GXYLT2: variants seen among roughly 807,000 people sequenced by gnomAD.
GXYLT2 encodes the protein glucoside xylosyltransferase 2.
A neutral mutation model predicts 45.8 loss-of-function variants in GXYLT2; 53 were observed. The ratio of observed to expected loss-of-function variants is 1.16; its 90% CI spans 0.93 to 1.46. GXYLT2 has a LOEUF of 1.46. GXYLT2 is among the 40% of genes most tolerant of loss of function. GXYLT2 has a pLI of 0.00. For synonymous variants in GXYLT2, 219 were observed against 214.2 expected (o/e 1.02, Z -0.19); for missense variants, 551 against 544.4 (o/e 1.01, Z -0.12).
intron 3 of GXYLT2, among the ~76,000 whole-genome samples, chr3:72,934,854 G>A (rs901547980): frequency 6.6e-6 from 1 of 152,198 alleles, no homozygotes; most frequent in African/African-American, 2.4e-5. Context: ...CCAGAACCTT[G>A]CAAAGAAAAT....
intron 2 of GXYLT2, among the ~76,000 whole-genome samples, chr3:72,910,352 C>T (rs904242295): frequency 2.0e-5 from 3 of 152,150 alleles, no homozygotes; most frequent in African/African-American, 7.2e-5. Context: ...TGCCATACCA[C>T]CTCCTCAACT....
At chr3:72,914,818 G>A (rs1709704945) in intron 2 of GXYLT2, among the ~76,000 whole-genome samples, 1 of 152,146 alleles carries the variant, frequency 6.6e-6, no homozygotes, top group Non-Finnish European at 1.5e-5. Context: ...TGACCCCTGA[G>A]TCTGGTTCTC....
At chr3:72,955,055 T>C in intron 3 of GXYLT2, 43 bp from the exon 4 acceptor site, 1 of 1,593,864 alleles carries the variant, frequency 6.3e-7, no homozygotes, top group Non-Finnish European at 8.6e-7. Flanking sequence ...TGTTTTGTTT[T>C]CTTCCCTCCT....
At chr3:72,895,088 G>C (rs1709262840) in intron 1 of GXYLT2, among the ~76,000 whole-genome samples, 1 of 152,184 alleles carries the variant, frequency 6.6e-6, no homozygotes, top group Non-Finnish European at 1.5e-5. Flanking sequence ...AGGGCAAACT[G>C]TTTCTAGTGG....
chr3:72,957,424 C>T (rs1710669776), intron 5 of GXYLT2, 72 bp downstream of exon 5: 1 of 1,456,310 alleles, frequency 6.9e-7, no homozygotes, highest in Admixed American at 2.1e-5. Flanking sequence ...CATTCCATGC[C>T]CGGGTTGCTA....
intron 2 of GXYLT2, among the ~76,000 whole-genome samples, chr3:72,910,611 G>A (rs1709597453): frequency 6.6e-6 from 1 of 152,188 alleles, no homozygotes; most frequent in Admixed American, 6.5e-5. Flanking sequence ...CCTCCATTCT[G>A]TACAGCCTCT....
intron 2 of GXYLT2, among the ~76,000 whole-genome samples, chr3:72,911,823 A>G (rs1203391142): frequency 6.6e-6 from 1 of 151,506 alleles, no homozygotes; most frequent in African/African-American, 2.4e-5. Flanking sequence ...TGCCCATTGC[A>G]GTGACACAAT....
At chr3:72,923,439 T>C (rs192124945) in intron 3 of GXYLT2, among the ~76,000 whole-genome samples, 1 of 151,736 alleles carries the variant, frequency 6.6e-6, no homozygotes, top group East Asian at 1.9e-4. Flanking sequence ...AGAAATAAAA[T>C]TTTAAAAATC....
intron 5 of GXYLT2, among the ~76,000 whole-genome samples, chr3:72,958,462 CT>C (rs1710692704): frequency 1.3e-5 from 2 of 151,528 alleles, no homozygotes; most frequent in Non-Finnish European, 3.0e-5. Context: ...TATTGTGTAC[CT>C]TTTTAAAAAA....
Position 72,976,574 on chromosome 3 carries a change from G to T in GXYLT2, c.*1415G>T, listed in dbSNP as rs1480633064. ...AGGGTTACCTAGCTGGTCCATACAG[G>T]TTTTATCACCTCACTGCAAGGAGGA... On this transcript the variant is annotated 3_prime_UTR_variant, in exon 7 of 7. Transcript: ENST00000389617. The T allele has an allele frequency of 6.6e-6, 1 of 152,172 alleles. No individual in the cohort carries two copies. Among genetic ancestry groups the T allele is most frequent in the East Asian group, 1.9e-4 (1 of 5,192 alleles). The allele number at this position is 152,172 out of a possible 1,614,324, so 9.4% of individuals were successfully genotyped here.
intron 3 of GXYLT2, among the ~76,000 whole-genome samples, chr3:72,946,231 T>A (rs1213969345): frequency 7.4e-6 from 1 of 135,044 alleles, no homozygotes; most frequent in African/African-American, 2.8e-5. Context: ...GAGCCACGAT[T>A]GTGACACTGC....
intron 3 of GXYLT2, among the ~76,000 whole-genome samples, chr3:72,942,927 T>C: frequency 6.6e-6 from 1 of 152,218 alleles, no homozygotes. Flanking sequence ...CCAGGGTTAA[T>C]TTCTTAGATT....
intron 3 of GXYLT2, among the ~76,000 whole-genome samples, chr3:72,945,502 G>C (rs1027126581): frequency 6.6e-6 from 1 of 152,124 alleles, no homozygotes; most frequent in Non-Finnish European, 1.5e-5. Flanking sequence ...CAACAGATGA[G>C]AAAATAATTT....
intron 3 of GXYLT2, among the ~76,000 whole-genome samples, chr3:72,928,001 A>G (rs1399108741): frequency 6.6e-6 from 1 of 152,260 alleles, no homozygotes; most frequent in Non-Finnish European, 1.5e-5. Flanking sequence ...AGCTAGATCC[A>G]GAGGCTAACA....
At chr3:72,901,027 C>G (rs112473876) in intron 1 of GXYLT2, among the ~76,000 whole-genome samples, 1,568 of 151,018 alleles carry the variant, frequency 0.01, 7 homozygotes, top group Non-Finnish European at 0.018. Context: ...GGTGGCTCAC[C>G]CCTGTAATCC....
At chr3:72,950,236 G>A (rs567826541) in intron 3 of GXYLT2, among the ~76,000 whole-genome samples, 32 of 152,136 alleles carry the variant, frequency 2.1e-4, no homozygotes, top group Middle Eastern at 3.4e-3. Context: ...TGAGGCGGGC[G>A]AATCACTTGA....
chr3:72,961,637 G>C (rs529964082), intron 5 of GXYLT2, among the ~76,000 whole-genome samples: 1 of 107,478 alleles, frequency 9.3e-6, no homozygotes, highest in East Asian at 2.7e-4. Context: ...GATCTCCTCT[G>C]TTTCCTAATT....
At chr3:72,954,890 G>C (rs1182942640) in intron 3 of GXYLT2, among the ~76,000 whole-genome samples, 1 of 152,090 alleles carries the variant, frequency 6.6e-6, no homozygotes, top group Non-Finnish European at 1.5e-5. Context: ...CTTCTTTTAA[G>C]TCTCTACCTC....
intron 3 of GXYLT2, among the ~76,000 whole-genome samples, chr3:72,923,827 CGCT>C (rs1709873352): frequency 6.6e-6 from 1 of 152,126 alleles, no homozygotes; most frequent in South Asian, 2.1e-4. Flanking sequence ...GATGGGGTCT[CGCT>C]ATATTGCTCA....
Sources: allele counts gnomAD v4.1 joint callset (sites outside exome capture counted in the v4.1 genomes callset), GRCh38; gene constraint gnomAD v4.1.1; transcripts MANE v1.5; gene names NCBI Gene and HGNC (gene_info 2026-07-23, HGNC 2026-07-21).